BBX: variants seen among roughly 807,000 people sequenced by gnomAD.
BBX encodes BBX high mobility group box domain containing, also known as HMG box transcription factor BBX.
In BBX, 30 loss-of-function variants were observed where a neutral mutation model predicts 100.2. The observed-to-expected ratio is 0.30, with a 90% CI of 0.22 to 0.41. The LOEUF (loss-of-function observed/expected upper bound fraction) is 0.41. Ranked by LOEUF, BBX falls within the 10% of genes least tolerant of loss-of-function variation. BBX has a pLI of 1.00. For missense variants in BBX, 1,023 were observed against 1,129.8 expected, an observed-to-expected ratio of 0.91 and a Z score of 1.35; for synonymous variants, 376 against 388.1, an observed-to-expected ratio of 0.97 and a Z score of 0.37.
rs886849005 is a variant in BBX, at chr3:107,728,769, A to C, written c.410A>C (p.Lys137Thr). The C allele has an allele frequency of 6.2e-7, 1 of 1,611,968 alleles. No homozygotes were observed. The highest frequency in any genetic ancestry group is 8.5e-7 in the Non-Finnish European group (1 of 1,178,886). The change falls in exon 6 of 18, where the codon AAG becomes ACG. Residue 137 changes from lysine (K) to threonine (T), a missense_variant. Physicochemically the swap from Lys to Thr is moderately conservative, Grantham distance 78 (BLOSUM62 -1). Coordinates refer to ENST00000325805, the MANE Select transcript of BBX (RefSeq NM_001142568.3). ...TGTCTGTCGTTTTATTTATAGTATA[A>C]GGATGCATTTATGAAAGCAAATCCT... ...QKYTDMAKEYKDAFMKANPGY... is the reference protein window; with the variant it reads ...QKYTDMAKEYTDAFMKANPGY...
rs1232984876 is a variant in BBX at position 107,809,315 on chromosome 3, G to T, written c.*3858G>T. On this transcript the variant is annotated 3_prime_UTR_variant, in exon 18 of 18. Coordinates refer to ENST00000325805, the MANE Select transcript of BBX (RefSeq NM_001142568.3). ...TGCCTGCTAAACTACTGTATGAATC[G>T]TAAATGTTCTGAAGACGAGCAGCTG... The T allele has an allele frequency of 6.6e-6, 1 of 152,194 alleles. No individual in the cohort carries two copies. Among genetic ancestry groups the T allele is most frequent in the Non-Finnish European group, 1.5e-5 (1 of 68,044 alleles). 9.4% of individuals were successfully genotyped at this position (152,194 alleles called of 1,614,324 possible).
intron 2 of BBX, among the ~76,000 whole-genome samples, chr3:107,624,054 G>T (rs974022577): frequency 6.6e-6 from 1 of 152,112 alleles, no homozygotes; most frequent in African/African-American, 2.4e-5. Flanking sequence ...ATCAATCTAG[G>T]CTCATGGTTG....
chr3:107,703,713 A>T (rs2061223644), intron 3 of BBX, among the ~76,000 whole-genome samples: 1 of 152,212 alleles, frequency 6.6e-6, no homozygotes, highest in African/African-American at 2.4e-5. Flanking sequence ...TGAGAGTATT[A>T]CTTTATTGAA....
chr3:107,546,816 A>G (rs2049274191), intron 2 of BBX, among the ~76,000 whole-genome samples: 1 of 152,212 alleles, frequency 6.6e-6, no homozygotes, highest in Non-Finnish European at 1.5e-5. Flanking sequence ...ATCTGAAAGT[A>G]ATATATGGTT....
At chr3:107,704,796 A>T (rs2061292859) in intron 3 of BBX, among the ~76,000 whole-genome samples, 2 of 152,130 alleles carry the variant, frequency 1.3e-5, no homozygotes, top group Admixed American at 1.3e-4. Flanking sequence ...GGTGCAGGGG[A>T]GTTGTCAAAA....
chr3:107,697,864 G>A lies in BBX; in HGVS notation c.-9-12588G>A, dbSNP rs553923287. On this transcript the variant is annotated intron_variant, in intron 3 of 17. Coordinates refer to ENST00000325805, the MANE Select transcript of BBX (RefSeq NM_001142568.3). ...AATCAGGGAGACTCCGTGGGCGTACGACCCTCCGAGCCAGGTGTGGGTTAT... is the reference window on the plus strand; with the variant it reads ...AATCAGGGAGACTCCGTGGGCGTACAACCCTCCGAGCCAGGTGTGGGTTAT... 3.9e-5 allele frequency among the ~76,000 whole-genome samples: 6 copies of A among 152,052 alleles called. No individual in the cohort carries two copies. The East Asian group carries it at 7.7e-4, about 20-fold the overall frequency.
chr3:107,601,749 A>C (rs976784376), intron 2 of BBX, among the ~76,000 whole-genome samples: 16 of 152,274 alleles, frequency 1.1e-4, no homozygotes, highest in African/African-American at 3.9e-4. Flanking sequence ...AGCTACAGCA[A>C]GTTATCCAGA....
chr3:107,748,091 G>A, intron 9 of BBX, 52 bp downstream of exon 9: 3 of 1,453,870 alleles, frequency 2.1e-6, no homozygotes, highest in Non-Finnish European at 2.9e-6. Flanking sequence ...TTGAGCTCAG[G>A]AATACTGGAA....
Position 107,801,207 on chromosome 3 carries a change from A to G in BBX, c.2664A>G (p.Pro888=). 1.2e-6 allele frequency: 2 copies of G among 1,614,240 alleles called. No homozygotes were observed. Among genetic ancestry groups the G allele is most frequent in the Non-Finnish European group, 8.5e-7 (1 of 1,180,044 alleles). ...TCGGGGAGACGCGGAGCAGTACTCC[A>G]GAAATGCCTGCCGTGTCTGCGTTCT... ...TEVGETRSST[P]EMPAVSAFFS... The change falls in exon 17 of 18, where the codon CCA becomes CCG. Residue 888 remains proline, a synonymous_variant. Coordinates refer to ENST00000325805, the MANE Select transcript of BBX (RefSeq NM_001142568.3).
At chr3:107,596,271 T>C (rs541608239) in intron 2 of BBX, among the ~76,000 whole-genome samples, 9 of 151,732 alleles carry the variant, frequency 5.9e-5, no homozygotes, top group African/African-American at 1.9e-4. Context: ...GGAATGGGGG[T>C]AGGGACTTCA....
At chr3:107,534,210 A>G (rs1254438470) in intron 2 of BBX, among the ~76,000 whole-genome samples, 1 of 152,234 alleles carries the variant, frequency 6.6e-6, no homozygotes, top group Non-Finnish European at 1.5e-5. Flanking sequence ...CCACAGATTA[A>G]GTAATTCAGA....
chr3:107,736,472 A>C lies in BBX; in HGVS notation c.669+3449A>C, dbSNP rs576410229. ...AGAAATAAAAATGTAGAACAAATAAAAGTAATCATGTTCACATCAAACTCA... is the reference window on the plus strand; with the variant it reads ...AGAAATAAAAATGTAGAACAAATAACAGTAATCATGTTCACATCAAACTCA... On this transcript the variant is annotated intron_variant, in intron 7 of 17. Coordinates refer to ENST00000325805, the MANE Select transcript of BBX (RefSeq NM_001142568.3). Among the ~76,000 whole-genome samples the C allele has an allele frequency of 8.5e-5, 13 of 152,152 alleles. No homozygotes were observed. The East Asian group carries it at 2.5e-3, about 29-fold the overall frequency.
intron 2 of BBX, among the ~76,000 whole-genome samples, chr3:107,569,353 T>C (rs1415151566): frequency 1.3e-5 from 2 of 152,200 alleles, no homozygotes; most frequent in African/African-American, 4.8e-5. Context: ...TTCTTGACTG[T>C]CTTTCTTATT....
At chr3:107,705,686 G>A (rs2107249371) in intron 3 of BBX, among the ~76,000 whole-genome samples, 1 of 152,336 alleles carries the variant, frequency 6.6e-6, no homozygotes, top group East Asian at 1.9e-4. Flanking sequence ...ATGCTTCCCA[G>A]TCTAAAAAGC....
chr3:107,586,635 G>T (rs563459242), intron 2 of BBX, among the ~76,000 whole-genome samples: 1 of 152,222 alleles, frequency 6.6e-6, no homozygotes, highest in South Asian at 2.1e-4. Context: ...TTTTCCTTAG[G>T]CTGGTTCACA....
At chr3:107,683,471 A>G (rs868083854) in intron 3 of BBX, among the ~76,000 whole-genome samples, 20 of 152,258 alleles carry the variant, frequency 1.3e-4, no homozygotes, top group African/African-American at 4.6e-4. Flanking sequence ...TCAGGGTATT[A>G]TAAGGATTTA....
intron 10 of BBX, among the ~76,000 whole-genome samples, chr3:107,767,397 A>G (rs2066482015): frequency 6.6e-6 from 1 of 152,072 alleles, no homozygotes; most frequent in Non-Finnish European, 1.5e-5. Context: ...AAAAAAGGAG[A>G]AAAGCTAGAA....
At chr3:107,695,805 C>T (rs1254237970) in intron 3 of BBX, among the ~76,000 whole-genome samples, 10 of 151,462 alleles carry the variant, frequency 6.6e-5, no homozygotes, top group African/African-American at 2.4e-4. Flanking sequence ...GTGTTAAAGT[C>T]TCCCATTATT....
chr3:107,637,596 A>G (rs1325364489), intron 2 of BBX, among the ~76,000 whole-genome samples: 1 of 152,178 alleles, frequency 6.6e-6, no homozygotes, highest in Non-Finnish European at 1.5e-5. Flanking sequence ...AGTGGCTTCA[A>G]ACTCTTATCT....
Sources: allele counts gnomAD v4.1 joint callset (sites outside exome capture counted in the v4.1 genomes callset), GRCh38; gene constraint gnomAD v4.1.1; transcripts MANE v1.5; gene names NCBI Gene and HGNC (gene_info 2026-07-23, HGNC 2026-07-21).